TBC1D32: variants seen among roughly 807,000 people sequenced by gnomAD.
TBC1D32 encodes the protein TBC1 domain family member 32, also known as protein broad-minded.
In TBC1D32, 151 loss-of-function variants were observed where a neutral mutation model predicts 170.3. The ratio of observed to expected loss-of-function variants is 0.89; its 90% CI spans 0.78 to 1.01. The LOEUF (loss-of-function observed/expected upper bound fraction) is 1.01, where lower values mean the gene tolerates loss of function less well. Ranked by LOEUF, TBC1D32 falls within the 50% of genes least tolerant of loss-of-function variation. The probability of loss-of-function intolerance (pLI) is 0.00; values close to 1 mark genes in which losing one functional copy is unlikely to be tolerated. For missense variants in TBC1D32, 1,464 were observed against 1,457.1 expected (o/e 1.00, Z -0.08); for synonymous variants, 498 against 488.0 (o/e 1.02, Z -0.27).
chr6:121,231,903 G>A (rs1433813674), intron 20 of TBC1D32, among the ~76,000 whole-genome samples: 1 of 152,078 alleles, frequency 6.6e-6, no homozygotes. Flanking sequence ...CTTTTGCTGG[G>A]CAGAAGCTTT....
intron 21 of TBC1D32, among the ~76,000 whole-genome samples, chr6:121,206,714 T>C (rs1402378958): frequency 6.6e-6 from 1 of 152,186 alleles, no homozygotes; most frequent in Non-Finnish European, 1.5e-5. Context: ...AGAGTTTAAA[T>C]TGGTAAATAT....
chr6:121,172,613 A>G (rs990200527), intron 22 of TBC1D32, among the ~76,000 whole-genome samples: 3 of 152,222 alleles, frequency 2.0e-5, no homozygotes, highest in African/African-American at 7.2e-5. Context: ...AATGGGTAGT[A>G]GAAGAAGGTA....
At chr6:121,169,049 C>T (rs927224935) in intron 22 of TBC1D32, among the ~76,000 whole-genome samples, 1 of 103,952 alleles carries the variant, frequency 9.6e-6, no homozygotes, top group African/African-American at 2.6e-5. Context: ...ACATTCTTTA[C>T]AGAATCAGAA....
chr6:121,290,857 A>G (rs143840839), intron 12 of TBC1D32, among the ~76,000 whole-genome samples: 4,915 of 152,122 alleles, frequency 0.032, 191 homozygotes, highest in East Asian at 0.12. Context: ...GTAGGGACAC[A>G]GATGAAGCTA....
At chr6:121,111,343 T>C (rs531222354) in intron 29 of TBC1D32, among the ~76,000 whole-genome samples, 1 of 152,208 alleles carries the variant, frequency 6.6e-6, no homozygotes, top group Non-Finnish European at 1.5e-5. Flanking sequence ...TTAAGACTAG[T>C]GGAATGTAGA....
intron 22 of TBC1D32, among the ~76,000 whole-genome samples, chr6:121,189,922 C>G (rs1789722427): frequency 6.6e-6 from 1 of 151,956 alleles, no homozygotes; most frequent in East Asian, 1.9e-4. Flanking sequence ...GAATTATGGA[C>G]AAGATACATT....
chr6:121,229,057 T>C (rs1015483213), intron 20 of TBC1D32, among the ~76,000 whole-genome samples: 115 of 152,220 alleles, frequency 7.6e-4, no homozygotes, highest in African/African-American at 2.6e-3. Flanking sequence ...AGTTTTCTAA[T>C]GTTTATTGCT....
At chr6:121,288,619 T>C (rs1184529468) in intron 12 of TBC1D32, among the ~76,000 whole-genome samples, 1 of 152,010 alleles carries the variant, frequency 6.6e-6, no homozygotes, top group Non-Finnish European at 1.5e-5. Flanking sequence ...TTCCAATCAA[T>C]AGAAAAAGAG....
At chr6:121,177,031 AT>A (rs143537057) in intron 22 of TBC1D32, among the ~76,000 whole-genome samples, 3,666 of 149,404 alleles carry the variant, frequency 0.025, 162 homozygotes, top group East Asian at 0.12. Flanking sequence ...TGAATATGTC[AT>A]TTTTTTTTTA....
At chr6:121,086,532 C>T (rs1776288542) in intron 31 of TBC1D32, among the ~76,000 whole-genome samples, 1 of 152,026 alleles carries the variant, frequency 6.6e-6, no homozygotes. Context: ...GCAATAGCAC[C>T]AACAAAAAAT....
chr6:121,106,211 T>C, intron 29 of TBC1D32, 48 bp from the exon 30 acceptor site: 1 of 1,149,242 alleles, frequency 8.7e-7, no homozygotes, highest in Non-Finnish European at 1.1e-6. Context: ...TATTATTTAA[T>C]AAATATAGAT....
intron 22 of TBC1D32, among the ~76,000 whole-genome samples, chr6:121,171,945 G>T (rs898468245): frequency 6.6e-6 from 1 of 152,094 alleles, no homozygotes; most frequent in South Asian, 2.1e-4. Context: ...TATCCACTTA[G>T]AAATAACCCA....
At chr6:121,139,543 T>C (rs1782537919) in intron 24 of TBC1D32, among the ~76,000 whole-genome samples, 1 of 152,126 alleles carries the variant, frequency 6.6e-6, no homozygotes, top group African/African-American at 2.4e-5. Context: ...AATAAGGATA[T>C]ATATCCAATA....
chr6:121,208,705 T>C (rs1792619734), intron 21 of TBC1D32, among the ~76,000 whole-genome samples: 1 of 91,770 alleles, frequency 1.1e-5, no homozygotes, highest in Admixed American at 1.7e-4. Context: ...TGGATTTATG[T>C]AGCAACAAGA....
chr6:121,154,524 T>C (rs1056192333), intron 24 of TBC1D32, among the ~76,000 whole-genome samples: 1 of 152,182 alleles, frequency 6.6e-6, no homozygotes, highest in African/African-American at 2.4e-5. Context: ...GCTCCCTACC[T>C]TACCATATAC....
chr6:121,249,512 G>A (rs1798031279), intron 17 of TBC1D32, among the ~76,000 whole-genome samples: 1 of 151,932 alleles, frequency 6.6e-6, no homozygotes, highest in Non-Finnish European at 1.5e-5. Flanking sequence ...AACTAGAAAA[G>A]AGGAAGTCAA....
At chr6:121,154,494 C>A (rs1433108108) in intron 24 of TBC1D32, among the ~76,000 whole-genome samples, 1 of 152,070 alleles carries the variant, frequency 6.6e-6, no homozygotes, top group Non-Finnish European at 1.5e-5. Context: ...GTTCAAGGCC[C>A]TGTTAGATTC....
intron 30 of TBC1D32, among the ~76,000 whole-genome samples, chr6:121,101,994 T>G (rs1408107421): frequency 6.6e-6 from 1 of 151,896 alleles, no homozygotes; most frequent in East Asian, 1.9e-4. Context: ...CACAATTGCT[T>G]CAAAGAGAAT....
chr6:121,082,692 ATTG>A (rs1775764855), intron 31 of TBC1D32, among the ~76,000 whole-genome samples: 2 of 151,996 alleles, frequency 1.3e-5, no homozygotes, highest in Non-Finnish European at 2.9e-5. Context: ...TCTTTTAATT[ATTG>A]TTTCACTTTA....
Sources: gnomAD v4.1 joint callset for allele counts (sites outside exome capture counted in the v4.1 genomes callset) on GRCh38, gnomAD v4.1.1 for gene constraint, MANE v1.5 for transcripts, NCBI Gene and HGNC (gene_info 2026-07-23, HGNC 2026-07-21) for gene names.